Variants in LAMC3 observed in about 807,000 individuals in gnomAD.
LAMC3 encodes laminin subunit gamma 3.
LAMC3 carries 128 observed loss-of-function variants against 173.8 expected under a neutral mutation model. The ratio of observed to expected loss-of-function variants is 0.74; its 90% CI spans 0.64 to 0.85. The LOEUF (loss-of-function observed/expected upper bound fraction) is 0.85, where lower values mean the gene tolerates loss of function less well. Among genes scored for constraint, LAMC3 ranks in the 40% least tolerant of loss-of-function variants. The pLI is 0.00. For missense variants in LAMC3, 2,022 were observed against 2,156.0 expected (o/e 0.94, Z 1.23); for synonymous variants, 897 against 909.1 (o/e 0.99, Z 0.24).
In LAMC3 at chr9:131,047,311, C is replaced by A. The variant is rs183131464; in HGVS notation, c.1519+1651C>A. On this transcript the variant is annotated intron_variant, in intron 8 of 27. Transcript: ENST00000361069. ...TCCTGTGTAGCTGGGACTGCAGGCA[C>A]CCACCACCACGCCCAGCTTATTTTT... is the stretch of plus-strand genomic sequence containing the variant. 1.4e-3 allele frequency among the ~76,000 whole-genome samples: 209 copies of A among 150,692 alleles called. 3 individuals are homozygous for A. The highest frequency in any genetic ancestry group is 4.9e-3 in the African/African-American group (200 of 41,002).
In LAMC3 at chr9:131,077,258, G is replaced by A. The variant is rs775687686; in HGVS notation, c.3701G>A (p.Ser1234Asn). 4.3e-6 allele frequency: 7 copies of A among 1,613,906 alleles called. No homozygotes were observed. Among genetic ancestry groups the A allele is most frequent in the Non-Finnish European group, 5.9e-6 (7 of 1,180,032 alleles). ...GCAGAGGTGCTGCCTGAAGCGGAAA[G>A]CGTGTTGGCCACCGTGCAGCAAGTT... The part of the protein sequence containing the change: ...AVAEVLPEAE[S>N]VLATVQQVGA... Residue 1234 changes from serine to asparagine, a missense_variant, in exon 22 of 28, where the codon AGC becomes AAC. By Grantham distance (46) the Ser-to-Asn change is conservative. Transcript: ENST00000361069.
chr9:131,010,152 CAAAAA>C (rs35239233), intron 1 of LAMC3, among the ~76,000 whole-genome samples: 620 of 39,560 alleles, frequency 0.016, 3 homozygotes, highest in Middle Eastern at 0.038. Context: ...AACTCCGTCT[CAAAAA>C]AAAAAAAAAA....
At chr9:131,063,875 G>A (rs909268480) in intron 13 of LAMC3, among the ~76,000 whole-genome samples, 2 of 151,926 alleles carry the variant, frequency 1.3e-5, no homozygotes, top group Non-Finnish European at 2.9e-5. Context: ...GTTCCGTTCC[G>A]CCTTTTCCTT....
chr9:131,085,670 A>T lies in LAMC3; in HGVS notation c.4177A>T (p.Ser1393Cys), dbSNP rs1830319006. Residue 1393 changes from serine to cysteine, a missense_variant, in exon 25 of 28, where the codon AGT becomes TGT. Physicochemically the swap from Ser to Cys is moderately radical, Grantham distance 112 (BLOSUM62 -1). Transcript: ENST00000361069. ...MLGNAAPLSS[S>C]AKKKGREAEV... ...GGGAAACGCGGCCCCTCTTTCCTCCAGTGCCAAGAAGAAGGGCAGAGAAGC... is the reference window on the plus strand; with the variant it reads ...GGGAAACGCGGCCCCTCTTTCCTCCTGTGCCAAGAAGAAGGGCAGAGAAGC... 2 of 1,614,082 alleles carry T rather than the reference A, an allele frequency of 1.2e-6. No individual in the cohort carries two copies. Among genetic ancestry groups the T allele is most frequent in the East Asian group, 4.5e-5 (2 of 44,888 alleles).
chr9:131,068,195 GCTT>G lies in LAMC3; in HGVS notation c.2716_2718del (p.Phe906del). Reference sequence around the variant, plus strand: ...CGGGACTGCAGCCGCTGCTACCCTGGCTTCTTCGACCTCCAGCCTGGGAGGGGC... The same window carrying G: ...CGGGACTGCAGCCGCTGCTACCCTGGCTTCGACCTCCAGCCTGGGAGGGGC... On this transcript the variant is annotated inframe_deletion, in exon 15 of 28. Coordinates refer to ENST00000361069, the MANE Select transcript of LAMC3 (RefSeq NM_006059.4). 1 of 1,612,474 alleles carries G rather than the reference GCTT, an allele frequency of 6.2e-7. No homozygotes were observed. Among genetic ancestry groups the G allele is most frequent in the Non-Finnish European group, 8.5e-7 (1 of 1,179,382 alleles).
At position 131,061,044 on chromosome 9, in the gene LAMC3, T is replaced by C; in HGVS notation, c.2168T>C (p.Val723Ala). 1 of 1,614,154 alleles carries C rather than the reference T, an allele frequency of 6.2e-7. No individual in the cohort carries two copies. Among genetic ancestry groups the C allele is most frequent in the Non-Finnish European group, 8.5e-7 (1 of 1,180,016 alleles). ...TTGTCTTGCCCCTCAGGGATCTGTG[T>C]CTGCAGCCACCATACCGAGGGCCCA... The part of the protein sequence containing the change: ...GTCDPNTGIC[V>A]CSHHTEGPSC... Residue 723 changes from valine (V) to alanine (A), a missense_variant, in exon 13 of 28, where the codon GTC (valine) becomes GCC (alanine). Physicochemically the swap from Val to Ala is moderately conservative, Grantham distance 64. Coordinates refer to ENST00000361069, the MANE Select transcript of LAMC3 (RefSeq NM_006059.4).
At chr9:131,069,918 C>T (rs948244575) in intron 17 of LAMC3, 68 bp downstream of exon 17, 33 of 1,478,422 alleles carry the variant, frequency 2.2e-5, no homozygotes, top group South Asian at 7.3e-5. Flanking sequence ...AGCTCTATGC[C>T]GGGCACCAGG....
intron 1 of LAMC3, among the ~76,000 whole-genome samples, chr9:131,013,796 C>A (rs1056930994): frequency 6.6e-6 from 1 of 152,016 alleles, no homozygotes; most frequent in African/African-American, 2.4e-5. Context: ...TCTGGCCAGC[C>A]ACAGCGAGGA....
chr9:131,027,568 C>T (rs1287180602), intron 2 of LAMC3, among the ~76,000 whole-genome samples: 3 of 151,828 alleles, frequency 2.0e-5, no homozygotes, highest in Non-Finnish European at 1.5e-5. Context: ...ATGTGGCCAG[C>T]GCAGTTGAGG....
chr9:131,050,777 G>GAA lies in LAMC3; in HGVS notation c.1630+1659_1630+1660dup, dbSNP rs35256167. ...AGTGAGACTCCATCTCCAAAAAAAG[G>GAA]AAAAAAAAAAAAAGAGTATTTAATG... On this transcript the variant is annotated intron_variant, in intron 9 of 27. Transcript: ENST00000361069. Among the ~76,000 whole-genome samples, 5 of 148,138 alleles carry GAA rather than the reference G, an allele frequency of 3.4e-5. No homozygotes were observed. In the South Asian group the frequency reaches 6.4e-4, roughly 19 times the overall value.
chr9:131,073,364 TG>T, intron 20 of LAMC3, 43 bp downstream of exon 20: 3 of 1,491,706 alleles, frequency 2.0e-6, no homozygotes, highest in Non-Finnish European at 1.9e-6. Context: ...GCCCTTCTCC[TG>T]GGGGTTCCAG....
chr9:131,026,464 G>T lies in LAMC3; in HGVS notation c.553G>T (p.Glu185Ter). Residue 185 changes from glutamate (E) to a stop codon, truncating the protein, a stop_gained, in exon 2 of 28, where the codon GAG becomes TAG. Transcript: ENST00000361069. LOFTEE classifies it high-confidence loss of function. The surrounding 1 kb of genome is among the most constrained non-coding windows in gnomAD (Gnocchi z 4.8). ...EGQYLRPGED[E>*]RVAFCTSEFS... Reference sequence around the variant, plus strand: ...CCAGTACCTGCGCCCCGGCGAGGACGAGCGCGTGGCCTTCTGCACCTCTGA... The same window carrying T: ...CCAGTACCTGCGCCCCGGCGAGGACTAGCGCGTGGCCTTCTGCACCTCTGA... The T allele has an allele frequency of 6.2e-7, 1 of 1,613,518 alleles. No homozygotes were observed. Among genetic ancestry groups the T allele is most frequent in the East Asian group, 2.2e-5 (1 of 44,874 alleles).
intron 1 of LAMC3, among the ~76,000 whole-genome samples, chr9:131,014,303 C>T (rs1213313935): frequency 1.3e-5 from 2 of 152,254 alleles, no homozygotes; most frequent in African/African-American, 4.8e-5. Flanking sequence ...GCCCAGCGCA[C>T]TTCTCCTCCC....
intron 1 of LAMC3, chr9:131,021,299 A>C (rs1045553185): frequency 6.6e-6 from 1 of 152,190 alleles, no homozygotes; most frequent in African/African-American, 2.4e-5. Context: ...GCTGTCAAAT[A>C]GATGCATTGT....
intron 27 of LAMC3, among the ~76,000 whole-genome samples, chr9:131,088,396 A>G (rs1198081102): frequency 6.6e-6 from 1 of 152,030 alleles, no homozygotes; most frequent in Non-Finnish European, 1.5e-5. Context: ...GTGAGTAAAT[A>G]GCGGCTCGTA....
chr9:131,063,255 G>A (rs780823976), intron 13 of LAMC3, among the ~76,000 whole-genome samples: 3 of 152,194 alleles, frequency 2.0e-5, no homozygotes, highest in Admixed American at 6.5e-5. Flanking sequence ...CCCACTGGCC[G>A]CCATGCTGTC....
At chr9:131,081,962 TTGGGCACCCA>T in intron 23 of LAMC3, 87 bp from the exon 24 acceptor site, 1 of 813,326 alleles carries the variant, frequency 1.2e-6, no homozygotes, top group Non-Finnish European at 2.1e-6. Context: ...TGGTGATGAT[TTGGGCACCCA>T]TGTATGTGGG....
chr9:131,089,477 A>T (rs1190467270), intron 27 of LAMC3, among the ~76,000 whole-genome samples: 1 of 151,854 alleles, frequency 6.6e-6, no homozygotes, highest in East Asian at 1.9e-4. Flanking sequence ...TCCTGGGCTC[A>T]AGCGATTCTT....
Position 131,091,754 on chromosome 9 carries a change from C to T in LAMC3, c.4695C>T (p.His1565=). 1 of 1,613,170 alleles carries T rather than the reference C, an allele frequency of 6.2e-7. No homozygotes were observed. Among genetic ancestry groups the T allele is most frequent in the South Asian group, 1.1e-5 (1 of 91,038 alleles). ...AACAGAACCTGGAGGCCATTCTGCA[C>T]AGCCTGCCCGAGAACTGTGCCAGCT... ...ADKQNLEAIL[H]SLPENCASWQ Residue 1565 remains histidine (H), a synonymous_variant, in exon 28 of 28, where the codon CAC becomes CAT. Transcript: ENST00000361069.
Sources: allele counts gnomAD v4.1 joint callset (sites outside exome capture counted in the v4.1 genomes callset), GRCh38; gene constraint gnomAD v4.1.1; non-coding constraint Gnocchi (gnomAD v3.1); transcripts MANE v1.5; gene names NCBI Gene and HGNC (gene_info 2026-07-23, HGNC 2026-07-21).